ZMYM4: variants seen among roughly 807,000 people sequenced by gnomAD.
ZMYM4 encodes the protein zinc finger MYM-type containing 4, also known as zinc finger MYM-type protein 4.
ZMYM4 carries 31 observed loss-of-function variants against 183.2 expected under a neutral mutation model. The ratio of observed to expected loss-of-function variants is 0.17; its 90% CI spans 0.13 to 0.23. ZMYM4 has a LOEUF of 0.23. Among genes scored for constraint, ZMYM4 ranks in the 10% least tolerant of loss-of-function variants. The probability of loss-of-function intolerance (pLI) is 1.00; values close to 1 mark genes in which losing one functional copy is unlikely to be tolerated. For missense variants in ZMYM4, 1,273 were observed against 1,840.3 expected (o/e 0.69, Z 5.64); for synonymous variants, 592 against 631.2 (o/e 0.94, Z 0.93).
Position 35,414,052 on chromosome 1 carries a change from G to A in ZMYM4, c.4029G>A (p.Leu1343=). ...TTATGATTGAACTTACCAAACTCTTGAAAATATGGGAACCTACAATACTTC... is the reference window on the plus strand; with the variant it reads ...TTATGATTGAACTTACCAAACTCTTAAAAATATGGGAACCTACAATACTTC... ...SRFMIELTKL[L]KIWEPTILPN... is the part of the protein sequence containing the mutation. The change falls in exon 27 of 30, where the codon TTG becomes TTA. Residue 1343 remains leucine (L), a synonymous_variant. Coordinates refer to ENST00000314607, the MANE Select transcript of ZMYM4 (RefSeq NM_005095.3). 2 of 1,582,946 alleles carry A rather than the reference G, an allele frequency of 1.3e-6. No individual in the cohort carries two copies. The highest frequency in any genetic ancestry group is 1.7e-6 in the Non-Finnish European group (2 of 1,164,624).
intron 1 of ZMYM4, among the ~76,000 whole-genome samples, chr1:35,269,305 T>C (rs1447958750): frequency 6.6e-6 from 1 of 151,572 alleles, no homozygotes; most frequent in African/African-American, 2.4e-5. Flanking sequence ...GAGGGGGCCG[T>C]TGTTTGCCTT....
rs1642796653 is a variant in ZMYM4 at position 35,332,441 on chromosome 1, T to C, written c.85+7036T>C. On this transcript the variant is annotated intron_variant, in intron 2 of 29. Transcript: ENST00000314607. ...TTTTTTCTCTCCACAATGTCTTTGGTCTTGACTGAGAAGATTTGGAGGCTG... is the reference window on the plus strand; with the variant it reads ...TTTTTTCTCTCCACAATGTCTTTGGCCTTGACTGAGAAGATTTGGAGGCTG... Among the ~76,000 whole-genome samples the C allele has an allele frequency of 2.0e-5, 3 of 148,750 alleles. No homozygotes were observed. In the Admixed American group the frequency reaches 2.0e-4, roughly 10 times the overall value.
chr1:35,387,633 G>A (rs1644605590), intron 13 of ZMYM4, 29 bp downstream of exon 13: 3 of 1,579,514 alleles, frequency 1.9e-6, no homozygotes, highest in Non-Finnish European at 2.6e-6. Flanking sequence ...CTTACCTACT[G>A]AGCATGTTGG....
chr1:35,418,550 T>C lies in ZMYM4; in HGVS notation c.4417T>C (p.Tyr1473His). Residue 1473 changes from tyrosine to histidine, a missense_variant, in exon 29 of 30, where the codon TAT (tyrosine) becomes CAT (histidine). Transcript: ENST00000314607. Reference sequence around the variant, plus strand: ...TCCACTAAGATGCCCAGTCCGACTTTATGAGTTTTACCTGTCAAAATGGTA... The same window carrying C: ...TCCACTAAGATGCCCAGTCCGACTTCATGAGTTTTACCTGTCAAAATGGTA... ...DNPLRCPVRL[Y>H]EFYLSKCSES... 6.2e-7 allele frequency: 1 copy of C among 1,614,116 alleles called. No individual in the cohort carries two copies. Among genetic ancestry groups the C allele is most frequent in the Non-Finnish European group, 8.5e-7 (1 of 1,179,996 alleles).
At chr1:35,361,871 T>G in intron 5 of ZMYM4, 82 bp downstream of exon 5, 1 of 1,505,170 alleles carries the variant, frequency 6.6e-7, no homozygotes, top group Non-Finnish European at 8.9e-7. Flanking sequence ...GCTTAAGAAG[T>G]GAAATAGTTT....
chr1:35,330,201 A>G (rs1642677835), intron 2 of ZMYM4, among the ~76,000 whole-genome samples: 1 of 145,542 alleles, frequency 6.9e-6, no homozygotes, highest in African/African-American at 2.5e-5. Context: ...CTGCAGAGAA[A>G]GACCCTGTCT....
intron 1 of ZMYM4, among the ~76,000 whole-genome samples, chr1:35,307,533 A>AT (rs1192264732): frequency 1.2e-4 from 18 of 147,648 alleles, no homozygotes; most frequent in African/African-American, 4.4e-4. Context: ...TATTATTATT[A>AT]TTATTATTAT....
In ZMYM4 at chr1:35,387,440, T is replaced by C; in HGVS notation, c.2113-14T>C. On this transcript the variant is annotated splice_polypyrimidine_tract_variant and intron_variant, in intron 12 of 29. Coordinates refer to ENST00000314607, the MANE Select transcript of ZMYM4 (RefSeq NM_005095.3). ...CAAATGTTTAATTAGTACTTAATGA[T>C]TATTTCTTTGCAGGGCAAAATGTTT... 1 of 1,596,422 alleles carries C rather than the reference T, an allele frequency of 6.3e-7. No individual in the cohort carries two copies. Among genetic ancestry groups the C allele is most frequent in the Non-Finnish European group, 8.5e-7 (1 of 1,173,624 alleles).
chr1:35,370,194 C>A, intron 6 of ZMYM4, 81 bp downstream of exon 6: 4 of 1,545,748 alleles, frequency 2.6e-6, no homozygotes, highest in Non-Finnish European at 3.5e-6. Flanking sequence ...TATTAATAAA[C>A]CAGGCAGCTC....
intron 2 of ZMYM4, among the ~76,000 whole-genome samples, chr1:35,337,736 G>C (rs1643034951): frequency 6.6e-6 from 1 of 151,896 alleles, no homozygotes; most frequent in South Asian, 2.1e-4. Context: ...CCTGAGGTCA[G>C]GAGACCAGCC....
Position 35,268,731 on chromosome 1 carries a change from A to C in ZMYM4, c.-316A>C, listed in dbSNP as rs1443024104. Reference sequence around the variant, plus strand: ...GCTGATTTGGTGATCCCTTTAAGAAACCGCAGGCGGAGGAATTTCTCTGAG... The same window carrying C: ...GCTGATTTGGTGATCCCTTTAAGAACCCGCAGGCGGAGGAATTTCTCTGAG... On this transcript the variant is annotated 5_prime_UTR_variant, in exon 1 of 30. Transcript: ENST00000314607. Among the ~76,000 whole-genome samples, 5 of 152,114 alleles carry C rather than the reference A, an allele frequency of 3.3e-5. No individual in the cohort carries two copies. Among genetic ancestry groups the C allele is most frequent in the African/African-American group, 9.7e-5 (4 of 41,400 alleles).
intron 1 of ZMYM4, among the ~76,000 whole-genome samples, chr1:35,321,108 G>A (rs1642262793): frequency 1.3e-5 from 2 of 152,288 alleles, no homozygotes; most frequent in Admixed American, 6.5e-5. Flanking sequence ...CAAAAAGAAT[G>A]GGATATGACC....
At chr1:35,282,758 G>A (rs1041609969) in intron 1 of ZMYM4, among the ~76,000 whole-genome samples, 23 of 152,152 alleles carry the variant, frequency 1.5e-4, no homozygotes, top group Non-Finnish European at 2.6e-4. Context: ...GTTTGGCCAT[G>A]TTACCAAGGC....
intron 1 of ZMYM4, among the ~76,000 whole-genome samples, chr1:35,300,492 A>T (rs967658113): frequency 3.3e-5 from 5 of 152,052 alleles, no homozygotes; most frequent in Non-Finnish European, 7.4e-5. Flanking sequence ...TGGCCATTAT[A>T]TTTTCAAAAT....
intron 27 of ZMYM4, among the ~76,000 whole-genome samples, chr1:35,414,599 T>C (rs1377456384): frequency 6.6e-6 from 1 of 152,236 alleles, no homozygotes; most frequent in East Asian, 1.9e-4. Context: ...GTAAGCTTAA[T>C]GATCTCCAAC....
chr1:35,356,555 A>T (rs1643826288), intron 2 of ZMYM4, among the ~76,000 whole-genome samples: 1 of 152,186 alleles, frequency 6.6e-6, no homozygotes, highest in South Asian at 2.1e-4. Flanking sequence ...CGTTCTTATG[A>T]TAGAAACAAG....
At chr1:35,399,398 C>A in intron 22 of ZMYM4, 84 bp from the exon 23 acceptor site, 1 of 1,217,940 alleles carries the variant, frequency 8.2e-7, no homozygotes, top group Non-Finnish European at 1.2e-6. Context: ...GTGATGATTA[C>A]CTGATATTTC....
chr1:35,274,508 T>A (rs1285826242), intron 1 of ZMYM4, among the ~76,000 whole-genome samples: 1 of 151,772 alleles, frequency 6.6e-6, no homozygotes, highest in African/African-American at 2.4e-5. Context: ...GTGGGAGGAT[T>A]GCTTGGAGGA....
At chr1:35,414,874 C>G (rs1306569443) in intron 27 of ZMYM4, among the ~76,000 whole-genome samples, 32 of 151,836 alleles carry the variant, frequency 2.1e-4, no homozygotes, top group Admixed American at 2.0e-3. Context: ...AGGTGAAACT[C>G]TGTCTCTACA....
Sources: allele counts gnomAD v4.1 joint callset (sites outside exome capture counted in the v4.1 genomes callset), GRCh38; gene constraint gnomAD v4.1.1; transcripts MANE v1.5; gene names NCBI Gene and HGNC (gene_info 2026-07-23, HGNC 2026-07-21).